The following ANAPC7 variants were observed in gnomAD, a reference collection of about 807,000 sequenced individuals.
ANAPC7 encodes anaphase-promoting complex subunit 7.
Under a neutral mutation model 63.3 loss-of-function variants are expected in ANAPC7, and 25 were observed. The ratio of observed to expected loss-of-function variants is 0.39; its 90% CI spans 0.29 to 0.55. The LOEUF is 0.55. ANAPC7 is among the 20% of genes least tolerant of loss of function. ANAPC7 has a pLI of 0.57. For synonymous variants in ANAPC7, 241 were observed against 251.7 expected (o/e 0.96, Z 0.40); for missense variants, 516 against 691.7 (o/e 0.75, Z 2.85).
At chr12:110,386,491 T>C (rs760520067) in intron 5 of ANAPC7, 22 bp from the exon 6 acceptor site, 12 of 1,590,924 alleles carry the variant, frequency 7.5e-6, no homozygotes, top group Admixed American at 5.2e-5. Flanking sequence ...TTATTAAACA[T>C]TGAACCTTTA....
chr12:110,386,613 C>CTTT, intron 5 of ANAPC7, 144 bp from the exon 6 acceptor site: 1 of 793,924 alleles, frequency 1.3e-6, no homozygotes, highest in Non-Finnish European at 1.9e-6. Context: ...AAGCTTATGA[C>CTTT]TTTAAAAAAA....
At chr12:110,387,961 G>T (rs139954100) in intron 4 of ANAPC7, 69 bp from the exon 5 acceptor site, 1 of 1,543,202 alleles carries the variant, frequency 6.5e-7, no homozygotes, top group African/African-American at 1.4e-5. Flanking sequence ...AAGGAGCAAC[G>T]GGCTACATCT....
chr12:110,377,754 T>G, intron 8 of ANAPC7, 137 bp from the exon 9 acceptor site: 1 of 1,492,740 alleles, frequency 6.7e-7, no homozygotes, highest in Non-Finnish European at 8.9e-7. Flanking sequence ...ATGGTGAGAT[T>G]AGACTGGCAA....
intron 3 of ANAPC7, among the ~76,000 whole-genome samples, chr12:110,389,739 G>A (rs569516301): frequency 6.7e-4 from 102 of 152,146 alleles, no homozygotes; most frequent in Non-Finnish European, 1.1e-3. Context: ...AGACCATCCC[G>A]GCTAACACAG....
At chr12:110,397,824 G>C (rs1235795326) in intron 1 of ANAPC7, among the ~76,000 whole-genome samples, 2 of 152,018 alleles carry the variant, frequency 1.3e-5, no homozygotes, top group African/African-American at 2.4e-5. Context: ...GAACCCGGGA[G>C]GCAGAGGTTG....
intron 4 of ANAPC7, 136 bp from the exon 5 acceptor site, chr12:110,388,028 C>G: frequency 1.1e-6 from 1 of 905,564 alleles, no homozygotes; most frequent in Non-Finnish European, 1.6e-6. Context: ...AGAGAAAAAC[C>G]ATAATTTAGT....
intron 1 of ANAPC7, among the ~76,000 whole-genome samples, chr12:110,398,943 A>T (rs1484531609): frequency 6.6e-6 from 1 of 152,156 alleles, no homozygotes; most frequent in Non-Finnish European, 1.5e-5. Context: ...GCCAAACTCC[A>T]TCTCCAAAAA....
In ANAPC7 at chr12:110,400,884, T is replaced by TA. The variant is rs57010575; in HGVS notation, c.101+2642dup. 3.4e-3 allele frequency among the ~76,000 whole-genome samples: 464 copies of TA among 136,988 alleles called. 1 individual carries two copies. Among genetic ancestry groups the TA allele is most frequent in the Middle Eastern group, 7.4e-3 (2 of 270 alleles). The allele number at this position is 136,988 out of a possible 152,430, so 89.9% of individuals were successfully genotyped here. A position where few individuals can be genotyped will look rare whatever the true frequency, so the allele number is the denominator to read the frequency against. On this transcript the variant is annotated intron_variant, in intron 1 of 10. Coordinates refer to ENST00000455511, the MANE Select transcript of ANAPC7 (RefSeq NM_016238.3). ...CAACATGATGAAACCCCATCTCTAT[T>TA]AAAAAAAAAAAAAAAATTAGCTGGG...
chr12:110,381,694 C>G (rs1881856802), intron 8 of ANAPC7, 58 bp downstream of exon 8: 1 of 1,549,834 alleles, frequency 6.5e-7, no homozygotes, highest in African/African-American at 1.4e-5. Context: ...AACCTTCCAT[C>G]TGAGGGCTGC....
rs368232311 is a variant in ANAPC7 at position 110,386,316 on chromosome 12, G to A, written c.817+11C>T. 1.2e-4 allele frequency: 192 copies of A among 1,613,532 alleles called. No individual in the cohort carries two copies. The highest frequency in any genetic ancestry group is 1.5e-4 in the Non-Finnish European group (172 of 1,179,964). ...AACAGCCACTGTCTTCCTGCCCCAA[G>A]AATTACTTACCTTTTATCAGATAAG... is the stretch of plus-strand genomic sequence containing the variant. On this transcript the variant is annotated intron_variant, in intron 6 of 10. Transcript: ENST00000455511.
At chr12:110,392,850 C>A (rs1199460367) in intron 3 of ANAPC7, among the ~76,000 whole-genome samples, 1 of 152,008 alleles carries the variant, frequency 6.6e-6, no homozygotes, top group Non-Finnish European at 1.5e-5. Flanking sequence ...GGCTGGAGTG[C>A]AATGGCACCA....
chr12:110,395,722 T>G (rs1020632370), intron 2 of ANAPC7, among the ~76,000 whole-genome samples: 2 of 152,092 alleles, frequency 1.3e-5, no homozygotes, highest in African/African-American at 4.8e-5. Context: ...GTATTTTTAG[T>G]AGAGACGGCG....
chr12:110,376,141 T>G lies in ANAPC7; in HGVS notation c.1433A>C (p.His478Pro). Residue 478 changes from histidine to proline, a missense_variant, in exon 10 of 11, where the codon CAT becomes CCT. This residue lies in a region of ANAPC7 where 122 missense variants were observed against 212.0 expected (regional missense o/e 0.58). Transcript: ENST00000455511. ...ALANQSDCVL[H>P]RILGDFLVAV... ...TACAAGGAAATCTCCTAGGATCCGA[T>G]GCAGGACACAGTCACTCTGATTAGC... The G allele has an allele frequency of 6.2e-7, 1 of 1,614,186 alleles. No homozygotes were observed. The highest frequency in any genetic ancestry group is 8.5e-7 in the Non-Finnish European group (1 of 1,180,038).
intron 7 of ANAPC7, among the ~76,000 whole-genome samples, chr12:110,382,462 ATATATAT>A (rs1230700590): frequency 5.6e-5 from 3 of 53,444 alleles, no homozygotes; most frequent in East Asian, 4.4e-4. Context: ...AAAAAAAAAA[ATATATAT>A]ATATATATAT....
At chr12:110,394,437 G>A (rs1883382158) in intron 3 of ANAPC7, among the ~76,000 whole-genome samples, 1 of 151,580 alleles carries the variant, frequency 6.6e-6, no homozygotes, top group Non-Finnish European at 1.5e-5. Flanking sequence ...GACCAGCCTG[G>A]CCAACATGGC....
chr12:110,377,193 T>C (rs1479235757), intron 9 of ANAPC7, among the ~76,000 whole-genome samples, 200 bp downstream of exon 9: 2 of 149,502 alleles, frequency 1.3e-5, no homozygotes, highest in East Asian at 2.0e-4. Context: ...CAATTATAGG[T>C]GGTTGGAACC....
At chr12:110,403,121 G>T (rs1031476805) in intron 1 of ANAPC7, among the ~76,000 whole-genome samples, 1 of 152,160 alleles carries the variant, frequency 6.6e-6, no homozygotes, top group South Asian at 2.1e-4. Flanking sequence ...AGATGCGGGG[G>T]CTAGCGCATA....
intron 4 of ANAPC7, 65 bp downstream of exon 4, chr12:110,388,447 C>G: frequency 7.8e-7 from 1 of 1,277,940 alleles, no homozygotes; most frequent in Non-Finnish European, 1.1e-6. Context: ...AATGTACAGG[C>G]AAGATTGAGA....
At chr12:110,375,935 C>T (rs947229518) in intron 10 of ANAPC7, 131 bp downstream of exon 10, 17 of 1,333,762 alleles carry the variant, frequency 1.3e-5, no homozygotes, top group East Asian at 2.7e-5. Flanking sequence ...AACTCTTCTA[C>T]CATTACTATT....
Sources: gnomAD v4.1 joint callset for allele counts (sites outside exome capture counted in the v4.1 genomes callset) on GRCh38, gnomAD v4.1.1 for gene constraint, gnomAD v4.1.1 regional missense constraint, MANE v1.5 for transcripts, NCBI Gene and HGNC (gene_info 2026-07-23, HGNC 2026-07-21) for gene names.